Variants in EXOC4 observed in about 807,000 individuals in gnomAD.
The protein encoded by EXOC4 is SEC8-like 1.
Under a neutral mutation model 107.2 loss-of-function variants are expected in EXOC4, and 71 were observed. The ratio of observed to expected loss-of-function variants is 0.66; its 90% CI spans 0.55 to 0.81. The LOEUF is 0.81. Ranked by LOEUF, EXOC4 falls within the 30% of genes least tolerant of loss-of-function variation. EXOC4 has a pLI of 0.00. For missense variants in EXOC4, 1,108 were observed against 1,189.6 expected (o/e 0.93, Z 1.01); for synonymous variants, 456 against 441.2 (o/e 1.03, Z -0.42).
the EXOC4 span, among the ~76,000 whole-genome samples, chr7:134,076,305 C>T: frequency 1.2e-4 from 19 of 152,230 alleles, no homozygotes; most frequent in African/African-American, 4.3e-4. Flanking sequence ...ATGACGAGGT[C>T]AGGAGATCAA....
At chr7:133,543,238 T>C (rs1055344469) in intron 9 of EXOC4, among the ~76,000 whole-genome samples, 1 of 152,140 alleles carries the variant, frequency 6.6e-6, no homozygotes, top group Non-Finnish European at 1.5e-5. Context: ...ATAATCTCAA[T>C]AGCCTAAGGT....
chr7:133,664,383 A>G (rs756991015), intron 10 of EXOC4, among the ~76,000 whole-genome samples: 3 of 152,128 alleles, frequency 2.0e-5, no homozygotes, highest in Non-Finnish European at 4.4e-5. Context: ...ATGAAGTTTC[A>G]GAGCCTAAAA....
chr7:133,559,909 CAT>C (rs1439327181), intron 9 of EXOC4, among the ~76,000 whole-genome samples: 1 of 152,198 alleles, frequency 6.6e-6, no homozygotes, highest in Non-Finnish European at 1.5e-5. Flanking sequence ...TCATTAAAAA[CAT>C]AGCCAGCCCT....
chr7:133,795,518 G>C (rs1380357533), intron 10 of EXOC4, among the ~76,000 whole-genome samples: 1 of 152,140 alleles, frequency 6.6e-6, no homozygotes, highest in Non-Finnish European at 1.5e-5. Context: ...GTATGCAAAG[G>C]ACCTGGTGAG....
At chr7:133,340,444 A>ATTTTTTTTTTTTTTTTTTTTT in intron 5 of EXOC4, among the ~76,000 whole-genome samples, 1 of 98,888 alleles carries the variant, frequency 1.0e-5, no homozygotes, top group South Asian at 3.0e-4. Flanking sequence ...TTTTTTGAGG[A>ATTTTTTTTTTTTTTTTTTTTT]TTTTTGTATC....
chr7:133,586,341 G>A (rs565578599), intron 9 of EXOC4, among the ~76,000 whole-genome samples: 3 of 152,182 alleles, frequency 2.0e-5, no homozygotes, highest in African/African-American at 4.8e-5. Context: ...TGCAGTATTC[G>A]GTTTTCTGTT....
intron 14 of EXOC4, among the ~76,000 whole-genome samples, chr7:133,966,855 A>G (rs945338510): frequency 3.3e-5 from 5 of 152,170 alleles, no homozygotes; most frequent in Admixed American, 6.5e-5. Flanking sequence ...TGGGTTAGGG[A>G]GGAGTCCCTC....
chr7:133,480,191 T>A (rs751704645), intron 9 of EXOC4, 53 bp downstream of exon 9: 1 of 1,596,598 alleles, frequency 6.3e-7, no homozygotes, highest in Non-Finnish European at 8.6e-7. Context: ...AGTATTTCCT[T>A]TATTACACAT....
At chr7:133,368,735 C>A (rs1008600664) in intron 6 of EXOC4, among the ~76,000 whole-genome samples, 3 of 152,144 alleles carry the variant, frequency 2.0e-5, no homozygotes, top group African/African-American at 7.2e-5. Flanking sequence ...AACTGTGATG[C>A]TGCATTGAGT....
At chr7:133,755,643 C>T (rs945618571) in intron 10 of EXOC4, among the ~76,000 whole-genome samples, 1 of 151,872 alleles carries the variant, frequency 6.6e-6, no homozygotes, top group African/African-American at 2.4e-5. Context: ...CGCCTGGCAT[C>T]GTTTATAATT....
intron 10 of EXOC4, among the ~76,000 whole-genome samples, chr7:133,791,990 A>G (rs977888070): frequency 5.3e-5 from 8 of 152,136 alleles, no homozygotes; most frequent in Non-Finnish European, 1.0e-4. Flanking sequence ...ACTCTGTTGA[A>G]GGGAGTTTTG....
intron 11 of EXOC4, among the ~76,000 whole-genome samples, chr7:133,856,776 A>G (rs1317442277): frequency 1.3e-5 from 2 of 152,046 alleles, no homozygotes; most frequent in Non-Finnish European, 1.5e-5. Context: ...GTTCTTATCT[A>G]AAGCCATAAA....
At chr7:134,051,720 T>C (rs550407730) in intron 17 of EXOC4, among the ~76,000 whole-genome samples, 1 of 145,592 alleles carries the variant, frequency 6.9e-6, no homozygotes, top group African/African-American at 2.6e-5. Flanking sequence ...ATGCAGAGGC[T>C]CACGCCTGTA....
At chr7:133,935,859 A>G (rs766667484) in intron 13 of EXOC4, among the ~76,000 whole-genome samples, 32 of 152,148 alleles carry the variant, frequency 2.1e-4, no homozygotes, top group Admixed American at 2.6e-4. Flanking sequence ...TCTTCTTTCT[A>G]CTTTCATAAT....
intron 10 of EXOC4, among the ~76,000 whole-genome samples, chr7:133,750,366 T>C (rs1795770637): frequency 6.6e-6 from 1 of 152,100 alleles, no homozygotes; most frequent in African/African-American, 2.4e-5. Flanking sequence ...ATTTCCTTAA[T>C]AGGTCTTACA....
chr7:134,041,637 G>A (rs1795519885), intron 17 of EXOC4, among the ~76,000 whole-genome samples: 1 of 151,976 alleles, frequency 6.6e-6, no homozygotes. Context: ...AATTTAATTA[G>A]GCTTGATATC....
intron 14 of EXOC4, among the ~76,000 whole-genome samples, chr7:133,964,174 A>T (rs1801009480): frequency 6.6e-6 from 1 of 151,956 alleles, no homozygotes. Context: ...TAAACCCCAA[A>T]CCTCCTTAGA....
At chr7:133,535,292 C>T (rs572103739) in intron 9 of EXOC4, among the ~76,000 whole-genome samples, 1 of 152,240 alleles carries the variant, frequency 6.6e-6, no homozygotes, top group East Asian at 1.9e-4. Context: ...TAAGTAAAAG[C>T]CAGACCTTGA....
chr7:133,287,555 C>T (rs1001571058), intron 2 of EXOC4, among the ~76,000 whole-genome samples: 6 of 152,092 alleles, frequency 3.9e-5, no homozygotes, highest in African/African-American at 1.4e-4. Context: ...CCTCGTGATC[C>T]ACCCGCCTCG....
Sources: gnomAD v4.1 joint callset for allele counts (sites outside exome capture counted in the v4.1 genomes callset) on GRCh38, gnomAD v4.1.1 for gene constraint, MANE v1.5 for transcripts, NCBI Gene and HGNC (gene_info 2026-07-23, HGNC 2026-07-21) for gene names.